TNKS: variants seen among roughly 807,000 people sequenced by gnomAD.
TNKS encodes poly [ADP-ribose] polymerase tankyrase-1.
A neutral mutation model predicts 135.8 loss-of-function variants in TNKS; 72 were observed. The observed-to-expected ratio is 0.53, with a 90% CI of 0.44 to 0.64. TNKS has a LOEUF of 0.64. TNKS is among the 30% of genes least tolerant of loss of function. TNKS has a pLI of 0.00. For missense variants in TNKS, 1,769 were observed against 1,674.0 expected, an observed-to-expected ratio of 1.06 and a Z score of -0.99; for synonymous variants, 849 against 649.3, an observed-to-expected ratio of 1.31 and a Z score of -4.68.
rs76141189 is a variant in TNKS, at chr8:9,677,119, C to G, written c.995-2832C>G. ...TATGTTAGCTGTTCCTGGGAGCTAG[C>G]GTTTGAAAAATCGCTTCAGCTGTTT... On this transcript the variant is annotated intron_variant, in intron 3 of 26. Transcript: ENST00000310430. Among the ~76,000 whole-genome samples, 108 of 152,220 alleles carry G rather than the reference C, an allele frequency of 7.1e-4. 1 individual carries two copies. Among genetic ancestry groups the G allele is most frequent in the African/African-American group, 2.3e-3 (97 of 41,538 alleles).
intron 13 of TNKS, among the ~76,000 whole-genome samples, chr8:9,727,996 G>C (rs891413460): frequency 2.6e-5 from 4 of 152,058 alleles, no homozygotes; most frequent in African/African-American, 9.7e-5. Context: ...AGACGATTAG[G>C]CTTCCTTTCA....
Position 9,735,419 on chromosome 8 carries a change from A to G in TNKS, c.2576A>G (p.His859Arg), listed in dbSNP as rs1325109210. 9 of 1,614,010 alleles carry G rather than the reference A, an allele frequency of 5.6e-6. No individual in the cohort carries two copies. Among genetic ancestry groups the G allele is most frequent in the Non-Finnish European group, 7.6e-6 (9 of 1,180,030 alleles). ...NLEVAEYLLE[H>R]GADVNAQDKG... Reference sequence around the variant, plus strand: ...GAAGTAGCTGAATATCTTCTAGAGCATGGAGCTGATGTTAATGCCCAGGAC... The same window carrying G: ...GAAGTAGCTGAATATCTTCTAGAGCGTGGAGCTGATGTTAATGCCCAGGAC... The change falls in exon 17 of 27, where the codon CAT becomes CGT. Residue 859 changes from histidine (H) to arginine (R), a missense_variant. Coordinates refer to ENST00000310430, the MANE Select transcript of TNKS (RefSeq NM_003747.3).
At chr8:9,657,995 C>G (rs1485459976) in intron 3 of TNKS, among the ~76,000 whole-genome samples, 2 of 75,026 alleles carry the variant, frequency 2.7e-5, no homozygotes, top group African/African-American at 1.1e-4. Flanking sequence ...CTCCTCACAT[C>G]CCAGATGGGG....
intron 2 of TNKS, among the ~76,000 whole-genome samples, chr8:9,608,933 C>T (rs1208739925): frequency 2.0e-5 from 3 of 152,144 alleles, no homozygotes; most frequent in African/African-American, 4.8e-5. Flanking sequence ...ATTTCATAAT[C>T]GGTTATGTCA....
intron 1 of TNKS, among the ~76,000 whole-genome samples, chr8:9,567,088 A>T (rs1797573354): frequency 6.6e-6 from 1 of 152,230 alleles, no homozygotes; most frequent in Non-Finnish European, 1.5e-5. Context: ...GACGATTCTT[A>T]CTGCTTTCTC....
chr8:9,758,869 T>G (rs1362443793), intron 20 of TNKS, among the ~76,000 whole-genome samples: 1 of 152,212 alleles, frequency 6.6e-6, no homozygotes, highest in Non-Finnish European at 1.5e-5. Context: ...ACAGCTTAGT[T>G]GTGTCCTTTG....
intron 4 of TNKS, among the ~76,000 whole-genome samples, chr8:9,680,277 T>G (rs1802728615): frequency 6.6e-6 from 1 of 152,172 alleles, no homozygotes; most frequent in East Asian, 1.9e-4. Flanking sequence ...ACCTATATCT[T>G]CATTTTCATC....
At chr8:9,684,082 A>G (rs1486931882) in intron 5 of TNKS, among the ~76,000 whole-genome samples, 21 of 151,916 alleles carry the variant, frequency 1.4e-4, no homozygotes, top group Admixed American at 1.4e-3. Flanking sequence ...AGGGACATAG[A>G]TGTTATTTAG....
Position 9,757,727 on chromosome 8 carries a change from C to T in TNKS, c.3154-3789C>T, listed in dbSNP as rs181074394. Among the ~76,000 whole-genome samples, 29 of 152,312 alleles carry T rather than the reference C, an allele frequency of 1.9e-4. No individual in the cohort carries two copies. In the East Asian group the frequency reaches 4.8e-3, roughly 25 times the overall value. On this transcript the variant is annotated intron_variant, in intron 20 of 26. Coordinates refer to ENST00000310430, the MANE Select transcript of TNKS (RefSeq NM_003747.3). ...TGGTTAGCACTCTGTTTCATGGCCC[C>T]ACTCTTTTACTATCAGTTATTTGGA...
At chr8:9,565,300 G>A (rs1212077109) in intron 1 of TNKS, among the ~76,000 whole-genome samples, 2 of 152,068 alleles carry the variant, frequency 1.3e-5, no homozygotes, top group Non-Finnish European at 2.9e-5. Context: ...TTTTGGTTTT[G>A]GAAGAGGGAA....
At chr8:9,581,518 C>G (rs1057367481) in intron 2 of TNKS, among the ~76,000 whole-genome samples, 1 of 152,188 alleles carries the variant, frequency 6.6e-6, no homozygotes, top group Admixed American at 6.5e-5. Context: ...TTATAACATC[C>G]TCTCTCTGAC....
At chr8:9,579,788 T>G (rs1279960540) in intron 1 of TNKS, among the ~76,000 whole-genome samples, 1 of 152,220 alleles carries the variant, frequency 6.6e-6, no homozygotes, top group African/African-American at 2.4e-5. Context: ...TAAATAACCC[T>G]TGTTTCTATG....
At chr8:9,646,178 G>C (rs2128778832) in intron 3 of TNKS, among the ~76,000 whole-genome samples, 1 of 151,848 alleles carries the variant, frequency 6.6e-6, no homozygotes, top group African/African-American at 2.4e-5. Context: ...TTGCATTCTT[G>C]GTCTTCTCTT....
chr8:9,698,410 C>T (rs1048949079), intron 5 of TNKS, among the ~76,000 whole-genome samples: 2 of 122,818 alleles, frequency 1.6e-5, no homozygotes, highest in Non-Finnish European at 3.4e-5. Flanking sequence ...ATATAAGCAA[C>T]TTAATAAGAT....
chr8:9,672,711 C>CACACACAAA (rs1399922732), intron 3 of TNKS, among the ~76,000 whole-genome samples: 2 of 85,206 alleles, frequency 2.3e-5, no homozygotes, highest in African/African-American at 4.8e-5. Context: ...CACACACACA[C>CACACACAAA]AAAAAAAAAA....
chr8:9,615,615 G>T lies in TNKS; in HGVS notation c.932G>T (p.Arg311Leu). The change falls in exon 3 of 27, where the codon CGG (arginine) becomes CTG (leucine). Residue 311 changes from arginine (R) to leucine (L), a missense_variant. Coordinates refer to ENST00000310430, the MANE Select transcript of TNKS (RefSeq NM_003747.3). ...CAGCACGGAGCTGACCCAAACATTC[G>T]GAACACTGATGGGAAATCAGCCCTG... is the stretch of plus-strand genomic sequence containing the variant. ...LLQHGADPNI[R>L]NTDGKSALDL... The T allele has an allele frequency of 6.2e-7, 1 of 1,613,488 alleles. No homozygotes were observed. Among genetic ancestry groups the T allele is most frequent in the Non-Finnish European group, 8.5e-7 (1 of 1,179,806 alleles).
rs920286218 is a variant in TNKS at position 9,764,438 on chromosome 8, G to C, written c.3373-278G>C. ...TTAGTTCTTCTTCTCAATAAGATAA[G>C]ATAGTAATTGTAGATGACTTAATGT... On this transcript the variant is annotated intron_variant, in intron 22 of 26. Coordinates refer to ENST00000310430, the MANE Select transcript of TNKS (RefSeq NM_003747.3). 2.0e-5 allele frequency among the ~76,000 whole-genome samples: 3 copies of C among 152,110 alleles called. No individual in the cohort carries two copies. In the South Asian group the frequency reaches 6.2e-4, roughly 31 times the overall value.
chr8:9,776,602 A>G (rs1401120419), intron 26 of TNKS, 48 bp from the exon 27 acceptor site: 2 of 1,561,062 alleles, frequency 1.3e-6, no homozygotes, highest in Admixed American at 1.7e-5. Flanking sequence ...AGGCTTTAAT[A>G]TTGTGCCTAC....
chr8:9,651,036 C>G (rs910854024), intron 3 of TNKS, among the ~76,000 whole-genome samples: 2 of 40,466 alleles, frequency 4.9e-5, no homozygotes, highest in South Asian at 1.6e-3. Context: ...TTACATGTGC[C>G]TTGCCAATTA....
Sources: allele counts gnomAD v4.1 joint callset (sites outside exome capture counted in the v4.1 genomes callset), GRCh38; gene constraint gnomAD v4.1.1; transcripts MANE v1.5; gene names NCBI Gene and HGNC (gene_info 2026-07-23, HGNC 2026-07-21).